CSMD1: variants seen among roughly 807,000 people sequenced by gnomAD.
CSMD1 encodes the protein CUB and sushi domain-containing protein 1.
In CSMD1, 213 loss-of-function variants were observed where a neutral mutation model predicts 417.5. The ratio of observed to expected loss-of-function variants is 0.51; its 90% CI spans 0.46 to 0.57. The LOEUF (loss-of-function observed/expected upper bound fraction) is 0.57, where lower values mean the gene tolerates loss of function less well. Among genes scored for constraint, CSMD1 ranks in the 20% least tolerant of loss-of-function variants. CSMD1 has a pLI of 0.00. For synonymous variants in CSMD1, 2,862 were observed against 1,736.8 expected (o/e 1.65, Z -16.11); for missense variants, 6,923 against 4,529.7 (o/e 1.53, Z -15.17).
chr8:3,372,348 T>C (rs1039739354), intron 18 of CSMD1, among the ~76,000 whole-genome samples: 1 of 152,132 alleles, frequency 6.6e-6, no homozygotes, highest in African/African-American at 2.4e-5. Context: ...TGGAGGTTTC[T>C]TTCAGTGACA....
chr8:3,870,875 G>C (rs1343418658), intron 5 of CSMD1, among the ~76,000 whole-genome samples: 4 of 152,028 alleles, frequency 2.6e-5, no homozygotes, highest in African/African-American at 9.7e-5. Flanking sequence ...TTAGATGCCT[G>C]AGTTTAATGT....
intron 4 of CSMD1, 107 bp from the exon 5 acceptor site, chr8:3,998,217 C>G: frequency 3.1e-6 from 3 of 954,688 alleles, no homozygotes; most frequent in Non-Finnish European, 4.6e-6. Context: ...TTTTCTGAAC[C>G]CAAAATTGAG....
At chr8:4,139,694 T>A (rs1803663911) in intron 3 of CSMD1, among the ~76,000 whole-genome samples, 1 of 151,066 alleles carries the variant, frequency 6.6e-6, no homozygotes, top group Non-Finnish European at 1.5e-5. Flanking sequence ...AATGTTAGAA[T>A]GATGATTTTG....
Position 3,977,964 on chromosome 8 carries a change from G to A in CSMD1, c.818+19939C>T, listed in dbSNP as rs74393880. Among the ~76,000 whole-genome samples, 534 of 152,226 alleles carry A rather than the reference G, an allele frequency of 3.5e-3. 5 individuals carry two copies. Among genetic ancestry groups the A allele is most frequent in the African/African-American group, 0.012 (513 of 41,520 alleles). ...GGTCATGTGCACGGCTGCCTTTTAC[G>A]TGTCCATCTACTAGCTCTTACCATG... On this transcript the variant is annotated intron_variant, in intron 5 of 69. Transcript: ENST00000635120.
chr8:3,467,110 A>T (rs1040025093), intron 12 of CSMD1, among the ~76,000 whole-genome samples: 1 of 152,196 alleles, frequency 6.6e-6, no homozygotes. Context: ...ATTAGGGTAA[A>T]ATGTAATTAT....
At chr8:4,233,996 C>T (rs1801895069) in intron 3 of CSMD1, among the ~76,000 whole-genome samples, 1 of 152,066 alleles carries the variant, frequency 6.6e-6, no homozygotes, top group Admixed American at 6.6e-5. Flanking sequence ...CATGTGATCC[C>T]TTCTGCCTGA....
intron 11 of CSMD1, among the ~76,000 whole-genome samples, chr8:3,478,868 G>A (rs1456698044): frequency 2.0e-5 from 3 of 152,272 alleles, no homozygotes; most frequent in African/African-American, 7.2e-5. Flanking sequence ...GATCTCACCT[G>A]GGGAGGCCCT....
At chr8:3,750,548 T>G (rs2129052992) in intron 6 of CSMD1, among the ~76,000 whole-genome samples, 2 of 152,304 alleles carry the variant, frequency 1.3e-5, no homozygotes, top group Non-Finnish European at 2.9e-5. Context: ...AATATCAGGC[T>G]TTCCTTCTTT....
chr8:4,560,418 A>G (rs138781988), intron 2 of CSMD1, among the ~76,000 whole-genome samples: 2 of 152,220 alleles, frequency 1.3e-5, no homozygotes, highest in South Asian at 4.1e-4. Flanking sequence ...ACAAAAGATC[A>G]TGTCTGATGG....
At chr8:4,819,896 T>C (rs914576806) in intron 1 of CSMD1, among the ~76,000 whole-genome samples, 1 of 151,748 alleles carries the variant, frequency 6.6e-6, no homozygotes, top group East Asian at 1.9e-4. Flanking sequence ...CTGTGGACTT[T>C]GGGGGTGGGG....
At chr8:2,993,996 GA>G (rs928350271) in intron 54 of CSMD1, among the ~76,000 whole-genome samples, 5 of 142,996 alleles carry the variant, frequency 3.5e-5, no homozygotes, top group African/African-American at 2.7e-5. Flanking sequence ...AAAAAAAAAA[GA>G]AAAAAAATTA....
intron 3 of CSMD1, among the ~76,000 whole-genome samples, chr8:4,382,493 ACT>A (rs1803166410): frequency 6.6e-6 from 1 of 151,874 alleles, no homozygotes; most frequent in Non-Finnish European, 1.5e-5. Flanking sequence ...AACCACCTAA[ACT>A]CTCTGTTCAC....
intron 12 of CSMD1, among the ~76,000 whole-genome samples, chr8:3,443,682 A>G (rs1275395641): frequency 1.3e-5 from 2 of 152,214 alleles, no homozygotes; most frequent in East Asian, 3.8e-4. Context: ...ATAAAACAAA[A>G]TTATTTTAAA....
intron 54 of CSMD1, among the ~76,000 whole-genome samples, chr8:2,979,321 C>G (rs1188393742): frequency 6.6e-6 from 1 of 152,206 alleles, no homozygotes; most frequent in East Asian, 1.9e-4. Flanking sequence ...AACAGAAATG[C>G]AAATCAAGCC....
Position 3,931,235 on chromosome 8 carries a change from C to G in CSMD1, c.818+66668G>C, listed in dbSNP as rs7016114. Among the ~76,000 whole-genome samples the G allele has an allele frequency of 1.9e-3, 283 of 150,562 alleles. 17 individuals carry two copies. Among genetic ancestry groups the G allele is most frequent in the African/African-American group, 6.7e-3 (274 of 40,894 alleles). On this transcript the variant is annotated intron_variant, in intron 5 of 69. Transcript: ENST00000635120. ...AAATGAGGTTCGGAGAATGATAATA[C>G]ATTTTGTTAGTTTCTCAGAACGCTC... is the stretch of plus-strand genomic sequence containing the variant.
intron 18 of CSMD1, 127 bp from the exon 19 acceptor site, chr8:3,369,497 C>T: frequency 1.7e-6 from 1 of 597,982 alleles, no homozygotes; most frequent in Non-Finnish European, 3.0e-6. Context: ...CCAAGAAAAA[C>T]CAAGCAGAAC....
chr8:4,305,385 GA>G (rs1798191580), intron 3 of CSMD1, among the ~76,000 whole-genome samples: 1 of 152,122 alleles, frequency 6.6e-6, no homozygotes, highest in Non-Finnish European at 1.5e-5. Context: ...GATAGAGCAA[GA>G]GATTTGCTGA....
intron 3 of CSMD1, among the ~76,000 whole-genome samples, chr8:4,326,657 C>G (rs10046759): frequency 0.41 from 63,025 of 151,868 alleles, 14,397 homozygotes; most frequent in African/African-American, 0.61. Flanking sequence ...CCCAACGTTT[C>G]CTCAAAGACC....
intron 7 of CSMD1, among the ~76,000 whole-genome samples, chr8:3,647,879 T>G (rs1797656637): frequency 6.6e-6 from 1 of 152,266 alleles, no homozygotes; most frequent in Non-Finnish European, 1.5e-5. Flanking sequence ...GTAACTGTTC[T>G]GTGTAAGTTT....
Sources: allele counts gnomAD v4.1 joint callset (sites outside exome capture counted in the v4.1 genomes callset), GRCh38; gene constraint gnomAD v4.1.1; transcripts MANE v1.5; gene names NCBI Gene and HGNC (gene_info 2026-07-23, HGNC 2026-07-21).